Variants in SAV1 observed in about 807,000 individuals in gnomAD.
SAV1 encodes the protein protein salvador homolog 1.
SAV1 carries 23 observed loss-of-function variants against 47.3 expected under a neutral mutation model. That is an observed-to-expected ratio of 0.49 (90% CI 0.35 to 0.69). The LOEUF is 0.69. Ranked by LOEUF, SAV1 falls within the 30% of genes least tolerant of loss-of-function variation. The pLI is 0.01. For synonymous variants in SAV1, 155 were observed against 159.2 expected (o/e 0.97, Z 0.20); for missense variants, 448 against 457.4 (o/e 0.98, Z 0.19).
At chr14:50,660,448 A>C (rs2039849152) in intron 2 of SAV1, among the ~76,000 whole-genome samples, 1 of 152,236 alleles carries the variant, frequency 6.6e-6, no homozygotes, top group Admixed American at 6.5e-5. Flanking sequence ...GATAGCAGAC[A>C]AGAGCCCAGT....
rs1249985759 is a variant in SAV1 at position 50,667,866 on chromosome 14, ACACT to A, written c.94+4_94+7del. 1.2e-6 allele frequency: 2 copies of A among 1,611,594 alleles called. No individual in the cohort carries two copies. The highest frequency in any genetic ancestry group is 8.5e-7 in the Non-Finnish European group (1 of 1,178,432). ...GCCAGGTGTGGGCACGCCCCGCCTG[ACACT>A]CACTCCGAAGCAGAGGCGACGTCTC... On this transcript the variant is annotated splice_donor_5th_base_variant and intron_variant, in intron 1 of 4. Coordinates refer to ENST00000324679, the MANE Select transcript of SAV1 (RefSeq NM_021818.4).
intron 2 of SAV1, among the ~76,000 whole-genome samples, chr14:50,653,023 G>A (rs564865923): frequency 4.6e-5 from 7 of 150,630 alleles, no homozygotes; most frequent in South Asian, 2.1e-4. Context: ...AGAGGGAGAC[G>A]TCTAAAAAAA....
intron 2 of SAV1, among the ~76,000 whole-genome samples, chr14:50,649,467 T>TA (rs2140254914): frequency 6.6e-6 from 1 of 152,338 alleles, no homozygotes; most frequent in East Asian, 1.9e-4. Flanking sequence ...GTGGAGGAGA[T>TA]ACACACATCA....
intron 2 of SAV1, among the ~76,000 whole-genome samples, chr14:50,655,103 T>A (rs1340940103): frequency 6.6e-6 from 1 of 152,190 alleles, no homozygotes; most frequent in Non-Finnish European, 1.5e-5. Context: ...ATATGTATAG[T>A]TTAAGCAACT....
chr14:50,645,229 G>T (rs1275751048), intron 2 of SAV1, among the ~76,000 whole-genome samples: 1 of 152,048 alleles, frequency 6.6e-6, no homozygotes, highest in Non-Finnish European at 1.5e-5. Flanking sequence ...AATTAGTAGA[G>T]GGTTTTTTGG....
intron 4 of SAV1, chr14:50,637,663 A>ATTTTTT (rs771403561): frequency 1.1e-4 from 14 of 128,768 alleles, no homozygotes; most frequent in South Asian, 2.3e-4. Flanking sequence ...CAATTTTGTC[A>ATTTTTT]GTTTTTTTTT....
At chr14:50,661,559 A>G (rs188207896) in intron 2 of SAV1, among the ~76,000 whole-genome samples, 1 of 152,232 alleles carries the variant, frequency 6.6e-6, no homozygotes, top group African/African-American at 2.4e-5. Flanking sequence ...TTCTTCTAGT[A>G]CTTTTATAAT....
intron 3 of SAV1, among the ~76,000 whole-genome samples, chr14:50,641,255 G>A (rs1195420483): frequency 6.6e-6 from 1 of 152,162 alleles, no homozygotes; most frequent in African/African-American, 2.4e-5. Context: ...ATGGGGGTTA[G>A]GATATGTAGT....
chr14:50,640,758 G>C lies in SAV1; in HGVS notation c.942C>G (p.Ala314=). Residue 314 remains alanine (A), a synonymous_variant, in exon 4 of 5, where the codon GCC becomes GCG. Transcript: ENST00000324679. Reference sequence around the variant, plus strand: ...GTTGTAAATGTACTTACTTCACAGGGGCTCGTGCGTAAACCTGAAGCCAGT... The same window carrying C: ...GTTGTAAATGTACTTACTTCACAGGCGCTCGTGCGTAAACCTGAAGCCAGT... ...IPDWLQVYAR[A]PVKYDHILKW... 1.2e-6 allele frequency: 2 copies of C among 1,612,490 alleles called. No individual in the cohort carries two copies. Among genetic ancestry groups the C allele is most frequent in the African/African-American group, 1.3e-5 (1 of 74,956 alleles).
chr14:50,665,621 T>C lies in SAV1; in HGVS notation c.95-2A>G, dbSNP rs776161707. On this transcript the variant is annotated splice_acceptor_variant, in intron 1 of 4. Transcript: ENST00000324679. LOFTEE classifies it high-confidence loss of function. The stretch of plus-strand genomic sequence containing the variant: ...GCCGGATGAATGAAGGCATAAGATC[T>C]ACAATAAAACAAAGGATAAAATTAC... The C allele has an allele frequency of 6.3e-7, 1 of 1,581,430 alleles. No individual in the cohort carries two copies. Among genetic ancestry groups the C allele is most frequent in the African/African-American group, 1.4e-5 (1 of 73,304 alleles).
intron 2 of SAV1, among the ~76,000 whole-genome samples, chr14:50,649,953 T>G (rs970403763): frequency 1.3e-5 from 2 of 152,154 alleles, no homozygotes; most frequent in African/African-American, 2.4e-5. Flanking sequence ...CCAGCTGACT[T>G]TGAAGAGCTT....
chr14:50,650,472 C>T (rs2039758746), intron 2 of SAV1, among the ~76,000 whole-genome samples: 1 of 152,160 alleles, frequency 6.6e-6, no homozygotes. Flanking sequence ...ACCTGGGCCC[C>T]AATTATCCCT....
chr14:50,648,229 T>C (rs751764985), intron 2 of SAV1, among the ~76,000 whole-genome samples: 6 of 152,200 alleles, frequency 3.9e-5, no homozygotes, highest in Non-Finnish European at 8.8e-5. Context: ...TTTTATGAGA[T>C]TCTTCCAAAC....
intron 2 of SAV1, among the ~76,000 whole-genome samples, chr14:50,663,973 AC>A (rs746580678): frequency 3.9e-5 from 6 of 152,146 alleles, no homozygotes; most frequent in African/African-American, 9.7e-5. Context: ...CCAATTTTCC[AC>A]GTAAAATGTC....
intron 2 of SAV1, 59 bp from the exon 3 acceptor site, chr14:50,645,073 G>T: frequency 6.1e-6 from 9 of 1,464,246 alleles, no homozygotes; most frequent in Non-Finnish European, 8.3e-6. Flanking sequence ...TGCAAAAAAT[G>T]TGCCAGCTAG....
At position 50,665,725 on chromosome 14, in the gene SAV1, C is replaced by T. The variant is rs1357561539; in HGVS notation, c.95-106G>A. 7.1e-6 allele frequency: 7 copies of T among 992,508 alleles called. No individual in the cohort carries two copies. The Admixed American group carries it at 2.2e-4, about 31-fold the overall frequency. The allele number at this position is 992,508 out of a possible 1,614,324, so 61.5% of individuals were successfully genotyped here. A position where few individuals can be genotyped will look rare whatever the true frequency, so the allele number is the denominator to read the frequency against. On this transcript the variant is annotated intron_variant, in intron 1 of 4. Coordinates refer to ENST00000324679, the MANE Select transcript of SAV1 (RefSeq NM_021818.4). Reference sequence around the variant, plus strand: ...ACCCCAAAATCAAAATGTCAGTCAACTTAAGAAAACACAATTTTAAATTTT... The same window carrying T: ...ACCCCAAAATCAAAATGTCAGTCAATTTAAGAAAACACAATTTTAAATTTT...
intron 4 of SAV1, among the ~76,000 whole-genome samples, chr14:50,638,147 T>C (rs1221527136): frequency 6.6e-6 from 1 of 152,204 alleles, no homozygotes; most frequent in Non-Finnish European, 1.5e-5. Flanking sequence ...TATTCCAAAT[T>C]CTTTCCTCTG....
In SAV1 at chr14:50,665,647, C is replaced by T. The variant is rs117071811; in HGVS notation, c.95-28G>A. ...ACAATAAAACAAAGGATAAAATTAC[C>T]CTTTCATCATTAAGTAACAAAAGTT... On this transcript the variant is annotated intron_variant, in intron 1 of 4. Coordinates refer to ENST00000324679, the MANE Select transcript of SAV1 (RefSeq NM_021818.4). The T allele has an allele frequency of 6.1e-3, 9,382 of 1,526,316 alleles. 32 individuals are homozygous for T. Among genetic ancestry groups the T allele is most frequent in the Middle Eastern group, 7.6e-3 (43 of 5,684 alleles). 94.5% of individuals were successfully genotyped at this position (1,526,316 alleles called of 1,614,324 possible).
chr14:50,635,799 TC>T (rs1273992664), intron 4 of SAV1, among the ~76,000 whole-genome samples: 10 of 152,154 alleles, frequency 6.6e-5, no homozygotes, highest in African/African-American at 2.4e-4. Context: ...AACCTCCGCC[TC>T]CCGGGTTCAA....
Sources: allele counts gnomAD v4.1 joint callset (sites outside exome capture counted in the v4.1 genomes callset), GRCh38; gene constraint gnomAD v4.1.1; transcripts MANE v1.5; gene names NCBI Gene and HGNC (gene_info 2026-07-23, HGNC 2026-07-21).